CDH12: variants seen among roughly 807,000 people sequenced by gnomAD.
The protein encoded by CDH12 is cadherin 12, also known as cadherin-12.
CDH12 carries 41 observed loss-of-function variants against 74.1 expected under a neutral mutation model. That is an observed-to-expected ratio of 0.55 (90% CI 0.43 to 0.72). CDH12 has a LOEUF of 0.72. Ranked by LOEUF, CDH12 falls within the 30% of genes least tolerant of loss-of-function variation. The pLI, the probability that CDH12 is intolerant of heterozygous loss-of-function variation, is 0.00. For missense variants in CDH12, 945 were observed against 977.2 expected (o/e 0.97, Z 0.44); for synonymous variants, 399 against 355.0 (o/e 1.12, Z -1.39).
intron 4 of CDH12, among the ~76,000 whole-genome samples, chr5:22,191,587 C>CGGAGT (rs1750292435): frequency 2.3e-5 from 2 of 86,258 alleles, no homozygotes; most frequent in Non-Finnish European, 4.1e-5. Context: ...TTTTTTGAGA[C>CGGAGT]GGAGTCTCGC....
chr5:22,392,800 C>A (rs1580600829), intron 3 of CDH12, among the ~76,000 whole-genome samples: 1 of 152,144 alleles, frequency 6.6e-6, no homozygotes, highest in Admixed American at 6.5e-5. Context: ...GCTAGAACAA[C>A]AATTTTACAA....
intron 2 of CDH12, among the ~76,000 whole-genome samples, chr5:22,451,198 A>C (rs1443147185): frequency 6.6e-6 from 1 of 151,896 alleles, no homozygotes; most frequent in Non-Finnish European, 1.5e-5. Flanking sequence ...TTAGAACAGC[A>C]CTTGGTGTAT....
intron 8 of CDH12, among the ~76,000 whole-genome samples, chr5:21,819,941 G>A (rs1374707141): frequency 6.6e-6 from 1 of 151,920 alleles, no homozygotes; most frequent in Non-Finnish European, 1.5e-5. Flanking sequence ...AGGTTTATGA[G>A]TTAGCTTTAC....
chr5:22,658,429 C>T (rs1740172177), intron 1 of CDH12, among the ~76,000 whole-genome samples: 1 of 151,966 alleles, frequency 6.6e-6, no homozygotes, highest in Non-Finnish European at 1.5e-5. Flanking sequence ...TTCTTCTATG[C>T]TATGTGCATA....
At chr5:22,045,139 A>G (rs191261756) in intron 5 of CDH12, among the ~76,000 whole-genome samples, 1 of 152,356 alleles carries the variant, frequency 6.6e-6, no homozygotes, top group African/African-American at 2.4e-5. Context: ...AATGGTCTGA[A>G]CAGTTATTTT....
intron 5 of CDH12, among the ~76,000 whole-genome samples, chr5:22,009,903 G>A (rs1240714932): frequency 2.8e-5 from 4 of 142,390 alleles, no homozygotes; most frequent in Non-Finnish European, 4.5e-5. Flanking sequence ...GCTTGAACCT[G>A]GGAGGCAGAG....
At chr5:22,364,257 G>A (rs190361574) in intron 3 of CDH12, among the ~76,000 whole-genome samples, 228 of 152,258 alleles carry the variant, frequency 1.5e-3, no homozygotes, top group Admixed American at 5.6e-3. Flanking sequence ...ATAAAGAGGG[G>A]AAGAAGGGAA....
intron 1 of CDH12, among the ~76,000 whole-genome samples, chr5:22,522,424 A>G (rs1737092818): frequency 6.6e-6 from 1 of 152,226 alleles, no homozygotes; most frequent in Admixed American, 6.5e-5. Flanking sequence ...TTGCTCTGGT[A>G]TATTTAAGTG....
intron 1 of CDH12, among the ~76,000 whole-genome samples, chr5:22,763,034 T>G (rs1375996204): frequency 2.0e-5 from 3 of 152,000 alleles, no homozygotes; most frequent in Non-Finnish European, 4.4e-5. Flanking sequence ...ATAAGAATTT[T>G]TCATGTTGAT....
At chr5:22,143,406 G>T (rs1447240960) in intron 4 of CDH12, 2 of 125,904 alleles carry the variant, frequency 1.6e-5, no homozygotes, top group Admixed American at 9.6e-5. Context: ...GTCTCACTCT[G>T]TTGCCCAGGC....
At chr5:22,828,158 A>C (rs1468742232) in intron 1 of CDH12, among the ~76,000 whole-genome samples, 1 of 152,130 alleles carries the variant, frequency 6.6e-6, no homozygotes, top group Non-Finnish European at 1.5e-5. Flanking sequence ...TAACAATTAC[A>C]TGGCAGCAGG....
chr5:22,704,407 T>A (rs1011470236), intron 1 of CDH12, among the ~76,000 whole-genome samples: 66 of 151,152 alleles, frequency 4.4e-4, no homozygotes, highest in Admixed American at 1.5e-3. Flanking sequence ...TGCAATCAAA[T>A]TTTTTTTTAG....
chr5:22,250,309 G>GA (rs1207265904), intron 3 of CDH12, among the ~76,000 whole-genome samples: 2 of 152,096 alleles, frequency 1.3e-5, no homozygotes, highest in Non-Finnish European at 2.9e-5. Context: ...GCATGGCAGG[G>GA]ACAACTTGTC....
At chr5:22,829,443 T>C (rs1736477529) in intron 1 of CDH12, among the ~76,000 whole-genome samples, 2 of 152,118 alleles carry the variant, frequency 1.3e-5, no homozygotes, top group Non-Finnish European at 1.5e-5. Context: ...ACTGAAAGGA[T>C]TTGATGGATT....
At chr5:22,832,759 A>G (rs967501164) in intron 1 of CDH12, among the ~76,000 whole-genome samples, 1 of 152,004 alleles carries the variant, frequency 6.6e-6, no homozygotes, top group Non-Finnish European at 1.5e-5. Context: ...TTTGTGGGAG[A>G]CTAGGAACAA....
chr5:22,731,582 C>G (rs1205196936), intron 1 of CDH12, among the ~76,000 whole-genome samples: 2 of 151,820 alleles, frequency 1.3e-5, no homozygotes, highest in Non-Finnish European at 2.9e-5. Flanking sequence ...AGTTAACTTT[C>G]TACAAAATCT....
rs138931175 is a variant in CDH12 at position 22,603,718 on chromosome 5, C to T, written c.-522-98354G>A. Among the ~76,000 whole-genome samples the T allele has an allele frequency of 3.6e-3, 550 of 151,980 alleles. 1 individual carries two copies. Among genetic ancestry groups the T allele is most frequent in the African/African-American group, 0.01 (424 of 41,438 alleles). On this transcript the variant is annotated intron_variant, in intron 1 of 14. Coordinates refer to ENST00000382254, the MANE Select transcript of CDH12 (RefSeq NM_004061.5). ...TCAGAACGGACCTTGTGGTTTACGACAGGACTTCAATAAAACCAGATTGGG... is the reference window on the plus strand; with the variant it reads ...TCAGAACGGACCTTGTGGTTTACGATAGGACTTCAATAAAACCAGATTGGG...
chr5:21,799,617 AAAG>A lies in CDH12; in HGVS notation c.1256+2547_1256+2549del, dbSNP rs151248228. Among the ~76,000 whole-genome samples the A allele has an allele frequency of 2.7e-3, 414 of 152,304 alleles. 1 individual carries two copies. The highest frequency in any genetic ancestry group is 9.7e-3 in the African/African-American group (404 of 41,572). On this transcript the variant is annotated intron_variant, in intron 10 of 14. Transcript: ENST00000382254. The stretch of plus-strand genomic sequence containing the variant: ...AAGAAAACAGAAATGTGGTAAAATG[AAAG>A]AAGATCATCAAACTTCTTCAGCTCT...
Position 22,000,977 on chromosome 5 carries a change from C to T in CDH12, c.232-25592G>A, listed in dbSNP as rs186773918. 1.2e-3 allele frequency among the ~76,000 whole-genome samples: 186 copies of T among 152,132 alleles called. 5 individuals carry two copies. In the East Asian group the frequency reaches 0.033, roughly 27 times the overall value. ...ATTTCATTGATGCAGTTTTCCTTTT[C>T]CTGAATATTTTATAAATTAGAAAAT... On this transcript the variant is annotated intron_variant, in intron 5 of 14. Transcript: ENST00000382254.
Sources: gnomAD v4.1 joint callset for allele counts (sites outside exome capture counted in the v4.1 genomes callset) on GRCh38, gnomAD v4.1.1 for gene constraint, MANE v1.5 for transcripts, NCBI Gene and HGNC (gene_info 2026-07-23, HGNC 2026-07-21) for gene names.